The following TLL1 variants were observed in gnomAD, a reference collection of about 807,000 sequenced individuals.
TLL1 encodes the protein tolloid like 1, also known as tolloid-like protein 1.
A neutral mutation model predicts 128.2 loss-of-function variants in TLL1; 49 were observed. The ratio of observed to expected loss-of-function variants is 0.38; its 90% CI spans 0.30 to 0.48. The LOEUF is 0.48. TLL1 is among the 20% of genes least tolerant of loss of function. TLL1 has a pLI of 0.96. For missense variants in TLL1, 1,123 were observed against 1,242.0 expected (o/e 0.90, Z 1.44); for synonymous variants, 454 against 418.8 (o/e 1.08, Z -1.03).
chr4:165,959,486 G>A (rs1734987941), intron 1 of TLL1, among the ~76,000 whole-genome samples: 1 of 151,876 alleles, frequency 6.6e-6, no homozygotes. Context: ...CACTTGGCCA[G>A]TTGCATCTAA....
intron 12 of TLL1, chr4:166,044,366 A>G (rs1739366513): frequency 1.3e-6 from 2 of 1,535,416 alleles, no homozygotes; most frequent in Non-Finnish European, 1.7e-6. Context: ...TACCTGCAGC[A>G]GGAGCACCAG....
chr4:166,087,313 CTG>C (rs1448527369), intron 18 of TLL1, among the ~76,000 whole-genome samples: 1 of 152,064 alleles, frequency 6.6e-6, no homozygotes, highest in African/African-American at 2.4e-5. Flanking sequence ...ACATCTACAA[CTG>C]TTAAATAATT....
chr4:165,888,996 G>T (rs1272634011), intron 1 of TLL1, among the ~76,000 whole-genome samples: 1 of 152,056 alleles, frequency 6.6e-6, no homozygotes, highest in Non-Finnish European at 1.5e-5. Flanking sequence ...TATCTCTCTG[G>T]ATTCTCTCAT....
At chr4:166,095,508 C>A (rs1741978226) in intron 19 of TLL1, among the ~76,000 whole-genome samples, 1 of 151,980 alleles carries the variant, frequency 6.6e-6, no homozygotes, top group Non-Finnish European at 1.5e-5. Flanking sequence ...AAAATCAAAG[C>A]ATTTTCTCTT....
intron 1 of TLL1, among the ~76,000 whole-genome samples, chr4:165,973,924 C>T (rs969547693): frequency 6.6e-6 from 1 of 152,050 alleles, no homozygotes; most frequent in Non-Finnish European, 1.5e-5. Context: ...CCTCGGCCTC[C>T]CAAAGTGCTG....
At chr4:166,060,326 C>A in intron 15 of TLL1, 138 bp downstream of exon 15, 1 of 932,830 alleles carries the variant, frequency 1.1e-6, no homozygotes, top group Non-Finnish European at 1.6e-6. Flanking sequence ...CTCATTTCTG[C>A]AACTGCTTAT....
At chr4:166,027,152 A>G (rs918696248) in intron 9 of TLL1, among the ~76,000 whole-genome samples, 1 of 152,108 alleles carries the variant, frequency 6.6e-6, no homozygotes, top group Non-Finnish European at 1.5e-5. Flanking sequence ...AAATTTAAAT[A>G]CCACAAGTTC....
chr4:166,025,250 TTG>T (rs1738436817), intron 8 of TLL1, 64 bp from the exon 9 acceptor site: 1 of 1,205,386 alleles, frequency 8.3e-7, no homozygotes, highest in Admixed American at 1.7e-5. Flanking sequence ...CTTCATGGCT[TTG>T]TTTATGATAT....
intron 12 of TLL1, among the ~76,000 whole-genome samples, chr4:166,044,059 T>G (rs530844110): frequency 6.6e-6 from 1 of 152,222 alleles, no homozygotes; most frequent in South Asian, 2.1e-4. Flanking sequence ...GAGTTAAACA[T>G]TTAAAGCCAA....
intron 8 of TLL1, among the ~76,000 whole-genome samples, chr4:166,024,887 T>A (rs1230987496): frequency 2.0e-5 from 3 of 152,190 alleles, no homozygotes; most frequent in African/African-American, 7.2e-5. Context: ...TAACATTTTT[T>A]AAACTTGATA....
At chr4:166,044,248 A>T (rs895707042) in intron 12 of TLL1, 3 of 742,296 alleles carry the variant, frequency 4.0e-6, no homozygotes, top group Non-Finnish European at 6.5e-6. Context: ...AGACTAATTC[A>T]CTAAGTGATC....
chr4:165,982,548 G>A (rs545412204), intron 1 of TLL1, among the ~76,000 whole-genome samples: 132 of 148,612 alleles, frequency 8.9e-4, no homozygotes, highest in African/African-American at 3.3e-3. Context: ...AAAGGACTCC[G>A]GACTTTGATT....
chr4:166,052,328 G>T (rs1038045010), intron 12 of TLL1, among the ~76,000 whole-genome samples: 1 of 152,012 alleles, frequency 6.6e-6, no homozygotes, highest in African/African-American at 2.4e-5. Flanking sequence ...TGGAGTCTCA[G>T]TCTGTTGCCC....
In TLL1 at chr4:165,889,487, T is replaced by C. The variant is rs140131186; in HGVS notation, c.169+15414T>C. On this transcript the variant is annotated intron_variant, in intron 1 of 20. Coordinates refer to ENST00000061240, the MANE Select transcript of TLL1 (RefSeq NM_012464.5). Reference sequence around the variant, plus strand: ...CTTGAAAAGATTCAATTCAGATTTCTTGGGAGAAGAACATCCAAATGTAAC... The same window carrying C: ...CTTGAAAAGATTCAATTCAGATTTCCTGGGAGAAGAACATCCAAATGTAAC... 9.2e-5 allele frequency among the ~76,000 whole-genome samples: 14 copies of C among 152,352 alleles called. No homozygotes were observed. The East Asian group carries it at 1.9e-3, about 21-fold the overall frequency.
intron 5 of TLL1, among the ~76,000 whole-genome samples, chr4:165,996,019 C>T (rs1736859586): frequency 6.6e-6 from 1 of 151,864 alleles, no homozygotes; most frequent in Non-Finnish European, 1.5e-5. Context: ...AACTGTTTTT[C>T]CTCATTCACT....
intron 15 of TLL1, among the ~76,000 whole-genome samples, chr4:166,060,865 G>A (rs1032550440): frequency 7.9e-5 from 12 of 152,178 alleles, no homozygotes; most frequent in Non-Finnish European, 1.2e-4. Context: ...AACATCCTTT[G>A]TGTGATTGGT....
chr4:166,075,308 A>G lies in TLL1; in HGVS notation c.2314+305A>G, dbSNP rs1740973626. On this transcript the variant is annotated intron_variant, in intron 17 of 20. Transcript: ENST00000061240. ...TTTGTGGAACAGACCTTATAACACT[A>G]TGCATATTTAAACTTAACTTCTGCT... Among the ~76,000 whole-genome samples the G allele has an allele frequency of 5.9e-5, 9 of 152,206 alleles. No homozygotes were observed. In the South Asian group the frequency reaches 1.7e-3, roughly 28 times the overall value.
At chr4:165,974,671 A>G (rs1045708822) in intron 1 of TLL1, among the ~76,000 whole-genome samples, 12 of 152,318 alleles carry the variant, frequency 7.9e-5, no homozygotes, top group African/African-American at 2.9e-4. Context: ...TAACACCAGC[A>G]TTTATTTTTA....
chr4:165,979,039 T>G (rs543730308), intron 1 of TLL1, among the ~76,000 whole-genome samples: 1 of 148,350 alleles, frequency 6.7e-6, no homozygotes, highest in African/African-American at 2.6e-5. Context: ...CTTTAACTGG[T>G]TGTTCTGTGT....
Sources: gnomAD v4.1 joint callset for allele counts (sites outside exome capture counted in the v4.1 genomes callset) on GRCh38, gnomAD v4.1.1 for gene constraint, MANE v1.5 for transcripts, NCBI Gene and HGNC (gene_info 2026-07-23, HGNC 2026-07-21) for gene names.